DPP6: variants seen among roughly 807,000 people sequenced by gnomAD.
DPP6 encodes the protein A-type potassium channel modulatory protein DPP6.
In DPP6, 69 loss-of-function variants were observed where a neutral mutation model predicts 122.6. The observed-to-expected ratio is 0.56, with a 90% CI of 0.46 to 0.69. The LOEUF is 0.69. Among genes scored for constraint, DPP6 ranks in the 30% least tolerant of loss-of-function variants. The probability of loss-of-function intolerance (pLI) is 0.00; values close to 1 mark genes in which losing one functional copy is unlikely to be tolerated. For synonymous variants in DPP6, 418 were observed against 433.1 expected (o/e 0.97, Z 0.43); for missense variants, 928 against 1,116.9 (o/e 0.83, Z 2.41).
chr7:153,861,108 C>A, the DPP6 span, among the ~76,000 whole-genome samples: 6 of 152,074 alleles, frequency 3.9e-5, no homozygotes, highest in African/African-American at 1.4e-4. Context: ...TTTTTAAAAT[C>A]ATATTTAGGC....
chr7:154,056,714 G>C (rs146894082), intron 1 of DPP6, among the ~76,000 whole-genome samples: 1 of 152,178 alleles, frequency 6.6e-6, no homozygotes, highest in East Asian at 1.9e-4. Flanking sequence ...TTCATCATCC[G>C]CTATGTCTTC....
the DPP6 span, among the ~76,000 whole-genome samples, chr7:153,850,962 C>A: frequency 2.0e-5 from 3 of 152,162 alleles, no homozygotes; most frequent in African/African-American, 7.2e-5. Context: ...ACCTTCAAGT[C>A]CATCTACCAC....
chr7:154,154,891 A>C (rs1378492291), intron 1 of DPP6, among the ~76,000 whole-genome samples: 2 of 152,206 alleles, frequency 1.3e-5, no homozygotes, highest in African/African-American at 2.4e-5. Flanking sequence ...CTGCAGAGCC[A>C]GGGCAGAGAG....
intron 1 of DPP6, among the ~76,000 whole-genome samples, chr7:154,299,611 T>C (rs938061772): frequency 2.0e-5 from 3 of 152,226 alleles, no homozygotes; most frequent in Non-Finnish European, 4.4e-5. Context: ...TTTTTATTTT[T>C]AGGGGATTGT....
In DPP6 at chr7:154,061,588, T is replaced by TC. The variant is rs1158645327; in HGVS notation, c.243+8531dup. On this transcript the variant is annotated intron_variant, in intron 1 of 25. Coordinates refer to ENST00000377770, the MANE Select transcript of DPP6 (RefSeq NM_130797.4). Reference sequence around the variant, plus strand: ...GTGATGGCTGAGATCCATCCCCTCTTCCCCCCTGGCTCTTGGGACTCCCAT... The same window carrying TC: ...GTGATGGCTGAGATCCATCCCCTCTTCCCCCCCTGGCTCTTGGGACTCCCAT... 1.6e-3 allele frequency among the ~76,000 whole-genome samples: 227 copies of TC among 143,642 alleles called. 5 individuals carry two copies. The highest frequency in any genetic ancestry group is 2.2e-3 in the Non-Finnish European group (140 of 64,932). The allele number at this position is 143,642 out of a possible 152,430, so 94.2% of individuals were successfully genotyped here.
intron 1 of DPP6, among the ~76,000 whole-genome samples, chr7:154,267,624 A>G (rs1025216796): frequency 1.3e-5 from 2 of 151,092 alleles, no homozygotes; most frequent in Non-Finnish European, 3.0e-5. Context: ...CCTTACATAT[A>G]CACACATATA....
intron 1 of DPP6, among the ~76,000 whole-genome samples, chr7:154,283,980 T>G (rs535127799): frequency 6.6e-6 from 1 of 152,332 alleles, no homozygotes; most frequent in African/African-American, 2.4e-5. Flanking sequence ...GGCTTTTCGC[T>G]TTACAAGTTG....
At chr7:154,539,550 G>A (rs948599657) in intron 3 of DPP6, among the ~76,000 whole-genome samples, 4 of 151,632 alleles carry the variant, frequency 2.6e-5, no homozygotes, top group African/African-American at 9.7e-5. Flanking sequence ...GTTAATGGGT[G>A]CAGCACACCA....
intron 8 of DPP6, among the ~76,000 whole-genome samples, chr7:154,763,367 AG>A (rs1795691619): frequency 6.6e-6 from 1 of 151,942 alleles, no homozygotes; most frequent in African/African-American, 2.4e-5. Flanking sequence ...AGAGAGAGAG[AG>A]AGAGAGAGAA....
chr7:154,261,286 T>C (rs1803000707), intron 1 of DPP6, among the ~76,000 whole-genome samples: 1 of 152,184 alleles, frequency 6.6e-6, no homozygotes, highest in Non-Finnish European at 1.5e-5. Context: ...GTATTCCCAG[T>C]TCACTGCATG....
chr7:154,220,559 C>G (rs4421279), intron 1 of DPP6, among the ~76,000 whole-genome samples: 6 of 151,830 alleles, frequency 4.0e-5, no homozygotes, highest in African/African-American at 1.5e-4. Context: ...CCATGTGCCC[C>G]GAGCCTAAAT....
chr7:153,827,793 C>T, the DPP6 span, among the ~76,000 whole-genome samples: 73,354 of 151,796 alleles, frequency 0.48, 17,860 homozygotes, highest in Non-Finnish European at 0.52. Flanking sequence ...TGAGAGACTT[C>T]CCACTTCTAC....
At chr7:153,837,648 C>G in the DPP6 span, among the ~76,000 whole-genome samples, 7 of 152,012 alleles carry the variant, frequency 4.6e-5, no homozygotes, top group African/African-American at 1.4e-4. Context: ...CTGGTAACAT[C>G]AAATAACAAT....
intron 16 of DPP6, among the ~76,000 whole-genome samples, chr7:154,842,328 G>T (rs578103039): frequency 6.5e-4 from 99 of 152,340 alleles, no homozygotes; most frequent in African/African-American, 2.3e-3. Flanking sequence ...TGAGGATACA[G>T]ACGAGAGGAA....
At chr7:154,151,535 G>A (rs114254967) in intron 1 of DPP6, among the ~76,000 whole-genome samples, 2,223 of 152,232 alleles carry the variant, frequency 0.015, 23 homozygotes, top group African/African-American at 0.05. Context: ...TAGCAGCGAC[G>A]GCTCTTGGTG....
intron 21 of DPP6, among the ~76,000 whole-genome samples, chr7:154,883,000 C>G (rs1563320842): frequency 6.6e-6 from 1 of 152,142 alleles, no homozygotes. Context: ...CGCATGCTCA[C>G]AGACTCACAT....
chr7:154,108,092 C>T (rs1806302252), intron 1 of DPP6, among the ~76,000 whole-genome samples: 1 of 152,168 alleles, frequency 6.6e-6, no homozygotes, highest in Non-Finnish European at 1.5e-5. Context: ...GTCCCTCAGC[C>T]CTGTTCTCTA....
chr7:154,012,700 G>C (rs549594147), intron 1 of DPP6, among the ~76,000 whole-genome samples: 5 of 152,248 alleles, frequency 3.3e-5, no homozygotes, highest in African/African-American at 1.2e-4. Flanking sequence ...CACAATGGCT[G>C]TTGTAAAGTT....
In DPP6 at chr7:154,446,185, G is replaced by A. The variant is rs372429700; in HGVS notation, c.244-29G>A. ...ATTTTATTTCCTTATTTCACTCACT[G>A]GGGTTTTCTTTGTTGTTGCTGTTTT... On this transcript the variant is annotated intron_variant, in intron 1 of 25. Coordinates refer to ENST00000377770, the MANE Select transcript of DPP6 (RefSeq NM_130797.4). The A allele has an allele frequency of 2.3e-5, 32 of 1,414,104 alleles. 1 individual carries two copies. The African/African-American group carries it at 3.7e-4, about 16-fold the overall frequency. The allele number at this position is 1,414,104 out of a possible 1,614,324, so 87.6% of individuals were successfully genotyped here.
Sources: allele counts gnomAD v4.1 joint callset (sites outside exome capture counted in the v4.1 genomes callset), GRCh38; gene constraint gnomAD v4.1.1; transcripts MANE v1.5; gene names NCBI Gene and HGNC (gene_info 2026-07-23, HGNC 2026-07-21).